ADAMTS9: variants seen among roughly 807,000 people sequenced by gnomAD.
ADAMTS9 encodes ADAM metallopeptidase with thrombospondin type 1 motif 9, also known as A disintegrin and metalloproteinase with thrombospondin motifs 9.
In ADAMTS9, 107 loss-of-function variants were observed where a neutral mutation model predicts 257.1. That is an observed-to-expected ratio of 0.42 (90% CI 0.36 to 0.49). The LOEUF (loss-of-function observed/expected upper bound fraction) is 0.49, where lower values mean the gene tolerates loss of function less well. Ranked by LOEUF, ADAMTS9 falls within the 20% of genes least tolerant of loss-of-function variation. The pLI is 0.03. For synonymous variants in ADAMTS9, 982 were observed against 880.9 expected, an observed-to-expected ratio of 1.11 and a Z score of -2.03; for missense variants, 2,353 against 2,469.1, an observed-to-expected ratio of 0.95 and a Z score of 1.00.
intron 3 of ADAMTS9, among the ~76,000 whole-genome samples, chr3:64,668,658 C>T (rs1701407995): frequency 6.6e-6 from 1 of 152,148 alleles, no homozygotes; most frequent in South Asian, 2.1e-4. Flanking sequence ...AGGAAGTCCT[C>T]TGGAGGCACG....
intron 12 of ADAMTS9, among the ~76,000 whole-genome samples, chr3:64,635,047 T>A (rs1383471642): frequency 2.6e-5 from 4 of 152,112 alleles, no homozygotes; most frequent in Non-Finnish European, 5.9e-5. Context: ...ACATAGTAGA[T>A]GCCATAAAAT....
chr3:64,684,130 TTGTGGAGGAAAGATTGGGAGC>T (rs1399901035), intron 2 of ADAMTS9, among the ~76,000 whole-genome samples: 1 of 152,042 alleles, frequency 6.6e-6, no homozygotes, highest in Non-Finnish European at 1.5e-5. Flanking sequence ...AATGCAGGAT[TTGTGGAGGAAAGATTGGGAGC>T]TGAGACTGGA....
intron 12 of ADAMTS9, among the ~76,000 whole-genome samples, chr3:64,639,959 T>A (rs1451359504): frequency 6.6e-6 from 1 of 152,214 alleles, no homozygotes; most frequent in African/African-American, 2.4e-5. Context: ...TGATTATTTC[T>A]CATGGGGAGT....
rs755853012 is a variant in ADAMTS9, at chr3:64,616,033, G to A, written c.2951C>T (p.Pro984Leu). The A allele has an allele frequency of 6.2e-7, 1 of 1,613,904 alleles. No homozygotes were observed. The highest frequency in any genetic ancestry group is 1.1e-5 in the South Asian group (1 of 91,080). The change falls in exon 20 of 40, where the codon CCC becomes CTC. Residue 984 changes from proline (P) to leucine (L), a missense_variant. This residue lies in a region of ADAMTS9 where 1,402 missense variants were observed against 1,441.4 expected (regional missense o/e 0.97). Coordinates refer to ENST00000498707, the MANE Select transcript of ADAMTS9 (RefSeq NM_182920.2). ...GCATTTTTCACGGTTGCTTGGTTTG[G>A]GATGGCTGCTGCAAAAACCATCATC... ...KVDDGFCSSH[P>L]KPSNREKCSG...
rs537575179 is a variant in ADAMTS9, at chr3:64,678,307, G to A, written c.679+2894C>T. ...CAGTTCCAGTATCCTATCATCCTAT[G>A]AGAAGAGGAGACATGGAAAGCACTG... On this transcript the variant is annotated intron_variant, in intron 3 of 39. Transcript: ENST00000498707. Among the ~76,000 whole-genome samples the A allele has an allele frequency of 2.6e-5, 4 of 152,322 alleles. No homozygotes were observed. The East Asian group carries it at 5.8e-4, about 22-fold the overall frequency.
chr3:64,562,762 A>T (rs1448790325), intron 29 of ADAMTS9, among the ~76,000 whole-genome samples: 1 of 152,202 alleles, frequency 6.6e-6, no homozygotes. Flanking sequence ...TAGAATCATG[A>T]CCTTTCAAAC....
chr3:64,630,999 G>T (rs1343700915), intron 16 of ADAMTS9, among the ~76,000 whole-genome samples: 1 of 152,090 alleles, frequency 6.6e-6, no homozygotes, highest in African/African-American at 2.4e-5. Flanking sequence ...CTTTTGCAAC[G>T]AACAGGCATA....
intron 11 of ADAMTS9, among the ~76,000 whole-genome samples, chr3:64,645,598 T>C (rs58297050): frequency 0.3 from 45,602 of 152,120 alleles, 6,928 homozygotes; most frequent in Admixed American, 0.32. Context: ...TCTATGCCAA[T>C]ATATTCACCT....
intron 2 of ADAMTS9, among the ~76,000 whole-genome samples, chr3:64,685,676 A>G (rs915119297): frequency 6.6e-6 from 1 of 152,188 alleles, no homozygotes; most frequent in Non-Finnish European, 1.5e-5. Flanking sequence ...ATTCCCTGCT[A>G]AATGCTATTT....
chr3:64,615,415 A>C lies in ADAMTS9; in HGVS notation c.3095T>G (p.Leu1032Arg). 6.2e-7 allele frequency: 1 copy of C among 1,614,088 alleles called. No individual in the cohort carries two copies. The highest frequency in any genetic ancestry group is 8.5e-7 in the Non-Finnish European group (1 of 1,179,944). ...TTGATGTGTGCATTTGCTGTCATCC[A>C]GTACATCATTTCGGGTATTGACACA... ...AICVNTRNDV[L>R]DDSKCTHQEK... Residue 1032 changes from leucine to arginine, a missense_variant, in exon 21 of 40, where the codon CTG (leucine) becomes CGG (arginine). Physicochemically the swap from Leu to Arg is moderately radical, Grantham distance 102. Coordinates refer to ENST00000498707, the MANE Select transcript of ADAMTS9 (RefSeq NM_182920.2).
At chr3:64,576,793 A>G (rs1459238296) in intron 28 of ADAMTS9, among the ~76,000 whole-genome samples, 1 of 152,164 alleles carries the variant, frequency 6.6e-6, no homozygotes, top group Middle Eastern at 3.2e-3. Context: ...AAAGGAACCA[A>G]GATTCACATG....
intron 30 of ADAMTS9, among the ~76,000 whole-genome samples, chr3:64,552,201 C>T (rs148410653): frequency 5.3e-5 from 8 of 152,288 alleles, no homozygotes; most frequent in African/African-American, 9.6e-5. Flanking sequence ...GTGAGGTAGA[C>T]GGGACAGCTA....
At chr3:64,680,569 C>T (rs532967120) in intron 3 of ADAMTS9, among the ~76,000 whole-genome samples, 11 of 152,140 alleles carry the variant, frequency 7.2e-5, no homozygotes, top group South Asian at 2.1e-4. Flanking sequence ...AACATGTCAG[C>T]GCAAAACCTC....
At chr3:64,616,204 C>T in intron 19 of ADAMTS9, 34 bp from the exon 20 acceptor site, 1 of 1,607,694 alleles carries the variant, frequency 6.2e-7, no homozygotes, top group Non-Finnish European at 8.5e-7. Context: ...ACCAACATTT[C>T]TGTTAAAAAT....
intron 30 of ADAMTS9, among the ~76,000 whole-genome samples, chr3:64,554,492 G>A (rs942329739): frequency 7.9e-5 from 12 of 152,010 alleles, no homozygotes; most frequent in South Asian, 2.1e-4. Context: ...TCAGCTTTTT[G>A]TAATATGGCT....
intron 30 of ADAMTS9, among the ~76,000 whole-genome samples, chr3:64,557,112 G>C (rs1559762133): frequency 6.6e-6 from 1 of 152,154 alleles, no homozygotes; most frequent in Non-Finnish European, 1.5e-5. Flanking sequence ...ATTGGCAAAG[G>C]CTTCTGAGAG....
At chr3:64,552,436 T>G (rs1161930129) in intron 30 of ADAMTS9, among the ~76,000 whole-genome samples, 1 of 152,228 alleles carries the variant, frequency 6.6e-6, no homozygotes, top group Non-Finnish European at 1.5e-5. Flanking sequence ...GAAGCCCCAG[T>G]GAGCTAAGTG....
intron 3 of ADAMTS9, among the ~76,000 whole-genome samples, chr3:64,666,646 T>A (rs577980577): frequency 1.7e-5 from 2 of 117,750 alleles, no homozygotes; most frequent in East Asian, 4.6e-4. Flanking sequence ...ATGATGGTAA[T>A]AACAGCATAC....
At chr3:64,625,998 G>A (rs1015823501) in intron 16 of ADAMTS9, among the ~76,000 whole-genome samples, 2 of 152,210 alleles carry the variant, frequency 1.3e-5, no homozygotes, top group African/African-American at 4.8e-5. Context: ...TCTGAAGTCT[G>A]ACCCATAAGG....
Sources: allele counts gnomAD v4.1 joint callset (sites outside exome capture counted in the v4.1 genomes callset), GRCh38; gene constraint gnomAD v4.1.1; regional missense constraint gnomAD v4.1.1; transcripts MANE v1.5; gene names NCBI Gene and HGNC (gene_info 2026-07-23, HGNC 2026-07-21).